The following LPP variants were observed in gnomAD, a reference collection of about 807,000 sequenced individuals.
The protein encoded by LPP is lipoma-preferred partner.
LPP carries 38 observed loss-of-function variants against 60.4 expected under a neutral mutation model. The observed-to-expected ratio is 0.63, with a 90% CI of 0.49 to 0.83. The LOEUF is 0.83. Ranked by LOEUF, LPP falls within the 40% of genes least tolerant of loss-of-function variation. LPP has a pLI of 0.00. For missense variants in LPP, 902 were observed against 783.6 expected, an observed-to-expected ratio of 1.15 and a Z score of -1.80; for synonymous variants, 328 against 290.8, an observed-to-expected ratio of 1.13 and a Z score of -1.30.
intron 7 of LPP, among the ~76,000 whole-genome samples, chr3:188,671,835 C>G (rs1857018895): frequency 6.6e-6 from 1 of 152,060 alleles, no homozygotes; most frequent in Non-Finnish European, 1.5e-5. Context: ...GGTGAAATAC[C>G]AGAAGTTGCA....
intron 10 of LPP, among the ~76,000 whole-genome samples, chr3:188,866,844 A>G (rs1021797444): frequency 2.6e-5 from 4 of 152,118 alleles, no homozygotes; most frequent in Non-Finnish European, 4.4e-5. Flanking sequence ...CACTCTACTG[A>G]TAGGGAGTTA....
chr3:188,419,953 A>G (rs966086637), intron 4 of LPP, among the ~76,000 whole-genome samples: 1 of 152,158 alleles, frequency 6.6e-6, no homozygotes, highest in Non-Finnish European at 1.5e-5. Flanking sequence ...TGTATCTTAA[A>G]GAGTTGTTTT....
chr3:188,475,835 G>T (rs1224122296), intron 4 of LPP, among the ~76,000 whole-genome samples: 1 of 152,120 alleles, frequency 6.6e-6, no homozygotes, highest in Non-Finnish European at 1.5e-5. Context: ...CCCGGGAGGC[G>T]GAGCTTGCAG....
chr3:188,645,332 C>T (rs1850912637), intron 7 of LPP, among the ~76,000 whole-genome samples: 1 of 151,156 alleles, frequency 6.6e-6, no homozygotes, highest in African/African-American at 2.4e-5. Flanking sequence ...TGTTTGTATG[C>T]TTTCTTTAGA....
chr3:188,392,582 C>T (rs1446380852), intron 3 of LPP, among the ~76,000 whole-genome samples: 1 of 152,122 alleles, frequency 6.6e-6, no homozygotes, highest in Non-Finnish European at 1.5e-5. Flanking sequence ...GTTGTTTTCC[C>T]TACATTTCAT....
chr3:188,166,817 TATGA>T (rs5855180), intron 1 of LPP, among the ~76,000 whole-genome samples: 96,009 of 151,324 alleles, frequency 0.63, 30,754 homozygotes, highest in East Asian at 0.8. Context: ...TGAATGAACA[TATGA>T]ATGAATGAAT....
rs1315733340 is a variant in LPP, at chr3:188,877,227, A to G, written c.*2748A>G. The G allele has an allele frequency of 5.7e-6, 1 of 176,330 alleles. No individual in the cohort carries two copies. Among genetic ancestry groups the G allele is most frequent in the Non-Finnish European group, 1.2e-5 (1 of 81,848 alleles). The allele number at this position is 176,330 out of a possible 1,614,324, so 10.9% of individuals were successfully genotyped here. A position where few individuals can be genotyped will look rare whatever the true frequency, so the allele number is the denominator to read the frequency against. ...AGTTGCATGAAATTTTGCCTGCAAC[A>G]GAGAGAAAAAGATTGTATTACTTTA... On this transcript the variant is annotated 3_prime_UTR_variant, in exon 12 of 12. Transcript: ENST00000617246.
chr3:188,613,478 C>T (rs1294885782), intron 7 of LPP, among the ~76,000 whole-genome samples: 5 of 152,160 alleles, frequency 3.3e-5, no homozygotes, highest in African/African-American at 1.2e-4. Context: ...CTCCGTCAGC[C>T]TCAGCTATTA....
intron 2 of LPP, among the ~76,000 whole-genome samples, chr3:188,270,117 G>A (rs1261706609): frequency 6.6e-6 from 1 of 152,116 alleles, no homozygotes; most frequent in Admixed American, 6.5e-5. Context: ...GAAAGAGGTG[G>A]TATGAGATTG....
chr3:188,377,713 G>C (rs948153091), intron 3 of LPP, among the ~76,000 whole-genome samples: 21 of 152,194 alleles, frequency 1.4e-4, no homozygotes, highest in Non-Finnish European at 5.9e-5. Context: ...ACTTGTCAAA[G>C]TCATTCTCCG....
intron 5 of LPP, among the ~76,000 whole-genome samples, chr3:188,487,366 CT>C (rs1806861523): frequency 6.6e-6 from 1 of 152,106 alleles, no homozygotes; most frequent in Non-Finnish European, 1.5e-5. Context: ...AACCATGGGG[CT>C]TTCAAAAGAT....
chr3:188,777,533 T>C (rs1165955425), intron 9 of LPP, among the ~76,000 whole-genome samples: 2 of 152,220 alleles, frequency 1.3e-5, no homozygotes, highest in African/African-American at 4.8e-5. Context: ...GTCTATGCAC[T>C]GTCTTTGGAG....
intron 7 of LPP, among the ~76,000 whole-genome samples, chr3:188,699,420 G>T (rs1403841538): frequency 6.9e-6 from 1 of 145,090 alleles, no homozygotes; most frequent in African/African-American, 2.4e-5. Flanking sequence ...TCCATCCTTG[G>T]CTATGACTCC....
At chr3:188,164,806 C>T (rs1164902486) in intron 1 of LPP, among the ~76,000 whole-genome samples, 1 of 152,118 alleles carries the variant, frequency 6.6e-6, no homozygotes, top group Non-Finnish European at 1.5e-5. Context: ...ACATTCTTTC[C>T]ATAAATTTGA....
intron 6 of LPP, among the ~76,000 whole-genome samples, chr3:188,545,872 C>T (rs910953256): frequency 6.6e-6 from 1 of 152,060 alleles, no homozygotes; most frequent in African/African-American, 2.4e-5. Context: ...TAGTCTCCAC[C>T]TTTGTTGTTG....
intron 4 of LPP, among the ~76,000 whole-genome samples, chr3:188,475,393 A>G (rs1009893530): frequency 3.9e-5 from 6 of 152,244 alleles, no homozygotes; most frequent in African/African-American, 1.4e-4. Flanking sequence ...AGATTCTGCG[A>G]TTCATTTTAA....
At chr3:188,153,150 C>T (rs1715059133), upstream of LPP, 2 of 152,210 alleles carry the variant, frequency 1.3e-5, no homozygotes, top group African/African-American at 4.8e-5. Flanking sequence ...CCGCACAGCT[C>T]GCGGGCATCT....
chr3:188,518,756 T>C (rs912610110), intron 5 of LPP, among the ~76,000 whole-genome samples: 5 of 152,238 alleles, frequency 3.3e-5, no homozygotes, highest in Non-Finnish European at 7.3e-5. Context: ...GCATTGGATC[T>C]AATTCTAGTA....
chr3:188,730,298 G>A (rs9825149), intron 8 of LPP, among the ~76,000 whole-genome samples: 33,894 of 152,132 alleles, frequency 0.22, 4,747 homozygotes, highest in Middle Eastern at 0.46. Flanking sequence ...TTTTGATGAA[G>A]CAAATGGTGC....
Sources: gnomAD v4.1 joint callset for allele counts (sites outside exome capture counted in the v4.1 genomes callset) on GRCh38, gnomAD v4.1.1 for gene constraint, MANE v1.5 for transcripts, NCBI Gene and HGNC (gene_info 2026-07-23, HGNC 2026-07-21) for gene names.